Variants in TBC1D20 observed in about 807,000 individuals in gnomAD.
TBC1D20 encodes chromosome 20 open reading frame 140.
TBC1D20 carries 12 observed loss-of-function variants against 41.6 expected under a neutral mutation model. The observed-to-expected ratio is 0.29, with a 90% CI of 0.18 to 0.47. The LOEUF (loss-of-function observed/expected upper bound fraction) is 0.47. Among genes scored for constraint, TBC1D20 ranks in the 20% least tolerant of loss-of-function variants. The pLI is 1.00. For missense variants in TBC1D20, 421 were observed against 517.4 expected, an observed-to-expected ratio of 0.81 and a Z score of 1.81; for synonymous variants, 205 against 204.8, an observed-to-expected ratio of 1.00 and a Z score of -0.01.
At chr20:462,224 C>T in intron 1 of TBC1D20, 112 bp downstream of exon 1, 1 of 688,526 alleles carries the variant, frequency 1.5e-6, no homozygotes, top group Non-Finnish European at 1.9e-6. Flanking sequence ...CGGAACCCCG[C>T]AGCAGCCCCG....
At position 439,499 on chromosome 20, in the gene TBC1D20, C is replaced by T. The variant is rs2017185828; in HGVS notation, c.769-204G>A. Among the ~76,000 whole-genome samples, 1 of 152,236 alleles carries T rather than the reference C, an allele frequency of 6.6e-6. No homozygotes were observed. The highest frequency in any genetic ancestry group is 1.5e-5 in the Non-Finnish European group (1 of 68,032). Reference sequence around the variant, plus strand: ...CCTACTCTCTGGCCCTTCCTGCAAACTTCCACCACATGACATGAAAGGCTG... The same window carrying T: ...CCTACTCTCTGGCCCTTCCTGCAAATTTCCACCACATGACATGAAAGGCTG... On this transcript the variant is annotated intron_variant, in intron 6 of 7. Coordinates refer to ENST00000354200, the MANE Select transcript of TBC1D20 (RefSeq NM_144628.4). This position sits in a 1 kb window ranked among gnomAD's most constrained non-coding sequence, Gnocchi z 4.6.
chr20:440,122 G>A (rs1412880251), intron 6 of TBC1D20, 126 bp downstream of exon 6: 2 of 1,272,352 alleles, frequency 1.6e-6, no homozygotes, highest in East Asian at 2.6e-5. Context: ...TGGTGTCCAG[G>A]GACACCAGCC....
Position 437,796 on chromosome 20 carries a change from T to G in TBC1D20, c.*790A>C, listed in dbSNP as rs1358272481. 6.5e-6 allele frequency: 1 copy of G among 153,752 alleles called. No homozygotes were observed. Among genetic ancestry groups the G allele is most frequent in the Admixed American group, 6.5e-5 (1 of 15,286 alleles). The allele number at this position is 153,752 out of a possible 1,614,324, so 9.5% of individuals were successfully genotyped here. On this transcript the variant is annotated 3_prime_UTR_variant, in exon 8 of 8. Coordinates refer to ENST00000354200, the MANE Select transcript of TBC1D20 (RefSeq NM_144628.4). ...TTTTTTTTCCGTGAAGGAACTATTA[T>G]TACTTTAAAAGTGAGGGTAATTTAC...
At chr20:441,766 TA>T (rs2017235091) in intron 4 of TBC1D20, 77 bp from the exon 5 acceptor site, 2 of 1,595,378 alleles carry the variant, frequency 1.3e-6, no homozygotes, top group Non-Finnish European at 1.7e-6. Flanking sequence ...CTCAAACTCC[TA>T]AAAAAGCTGA....
At chr20:447,862 C>G (rs1792361652) in intron 2 of TBC1D20, 27 bp downstream of exon 2, 6 of 1,576,108 alleles carry the variant, frequency 3.8e-6, no homozygotes, top group Non-Finnish European at 5.2e-6. Context: ...GATAAGCTCC[C>G]CTCACAGCCT....
At chr20:453,577 G>A (rs1568462997) in intron 1 of TBC1D20, among the ~76,000 whole-genome samples, 1 of 101,630 alleles carries the variant, frequency 9.8e-6, no homozygotes, top group African/African-American at 4.2e-5. Flanking sequence ...ACGGAGTCTC[G>A]CCCTATTGCC....
chr20:450,388 C>T (rs954261395), intron 1 of TBC1D20, among the ~76,000 whole-genome samples: 1 of 151,628 alleles, frequency 6.6e-6, no homozygotes, highest in African/African-American at 2.4e-5. Flanking sequence ...TCAAGTGATC[C>T]ACCTGCCTCA....
rs1158424335 is a variant in TBC1D20 at position 441,658 on chromosome 20, T to C, written c.556A>G (p.Lys186Glu). 6.2e-7 allele frequency: 1 copy of C among 1,614,186 alleles called. No homozygotes were observed. Among genetic ancestry groups the C allele is most frequent in the Non-Finnish European group, 8.5e-7 (1 of 1,180,044 alleles). ...DFMDPTMDNT[K>E]HILNYLMPII... ...GGCATCAGATAGTTTAATATATGCT[T>C]GGTGTTGTCCATTGTTGGATCCATA... Residue 186 changes from lysine (K) to glutamate (E), a missense_variant, in exon 5 of 8, where the codon AAG becomes GAG. Transcript: ENST00000354200.
At chr20:442,687 A>G (rs1247285801) in intron 3 of TBC1D20, among the ~76,000 whole-genome samples, 2 of 152,236 alleles carry the variant, frequency 1.3e-5, no homozygotes, top group Non-Finnish European at 2.9e-5. Context: ...TATTTAGGAA[A>G]TATGTCCTGA....
chr20:459,632 C>T (rs531474855), intron 1 of TBC1D20, among the ~76,000 whole-genome samples: 4 of 152,000 alleles, frequency 2.6e-5, no homozygotes, highest in Non-Finnish European at 4.4e-5. Context: ...TTCATTAGAA[C>T]GCTTATTTTT....
In TBC1D20 at chr20:440,404, A is replaced by G. The variant is rs1338994862; in HGVS notation, c.627-15T>C. On this transcript the variant is annotated splice_polypyrimidine_tract_variant and intron_variant, in intron 5 of 7. Transcript: ENST00000354200. ...CTACCTCAGCACTAGAAACAAAGGA[A>G]AGGCAGGTGTCAGGTCCTGTGGGCC... The G allele has an allele frequency of 1.2e-6, 2 of 1,613,944 alleles. No homozygotes were observed. The highest frequency in any genetic ancestry group is 1.7e-5 in the Admixed American group (1 of 60,000).
In TBC1D20 at chr20:462,324, C is replaced by T. The variant is rs1355621389; in HGVS notation, c.70+12G>A. The T allele has an allele frequency of 7.8e-6, 10 of 1,289,542 alleles. No individual in the cohort carries two copies. The highest frequency in any genetic ancestry group is 2.0e-5 in the South Asian group (1 of 49,178). The allele number at this position is 1,289,542 out of a possible 1,614,324, so 79.9% of individuals were successfully genotyped here. On this transcript the variant is annotated intron_variant, in intron 1 of 7. Transcript: ENST00000354200. ...CGCAGGCCGCTCCCGGCGCCCCGGT[C>T]GGCTTCCGTACCTGCCTTCTCCGCG... is the stretch of plus-strand genomic sequence containing the variant.
At position 462,421 on chromosome 20, in the gene TBC1D20, G is replaced by A. The variant is rs1008181381; in HGVS notation, c.-16C>T. On this transcript the variant is annotated 5_prime_UTR_variant, in exon 1 of 8. Transcript: ENST00000354200. ...GGAGGGCCATGCCCCGGGGCCCCGG[G>A]CCCCCACCCGAGCCCCGGCTGGTGG... 5.8e-6 allele frequency: 7 copies of A among 1,209,732 alleles called. No individual in the cohort carries two copies. Among genetic ancestry groups the A allele is most frequent in the South Asian group, 2.8e-5 (1 of 35,318 alleles). The allele number at this position is 1,209,732 out of a possible 1,614,324, so 74.9% of individuals were successfully genotyped here. A position where few individuals can be genotyped will look rare whatever the true frequency, so the allele number is the denominator to read the frequency against.
At chr20:442,728 C>T (rs1297871670) in intron 3 of TBC1D20, among the ~76,000 whole-genome samples, 5 of 152,126 alleles carry the variant, frequency 3.3e-5, no homozygotes, top group African/African-American at 1.2e-4. Context: ...GTCATGTTTG[C>T]AACTTACTCT....
intron 1 of TBC1D20, among the ~76,000 whole-genome samples, chr20:449,136 C>T (rs1206569914): frequency 2.8e-5 from 4 of 144,688 alleles, no homozygotes; most frequent in Admixed American, 7.0e-5. Context: ...TGAGCCACCA[C>T]GCCCAGCCTA....
At chr20:455,406 T>A (rs2017522373) in intron 1 of TBC1D20, among the ~76,000 whole-genome samples, 1 of 152,122 alleles carries the variant, frequency 6.6e-6, no homozygotes, top group Admixed American at 6.5e-5. Context: ...TTACCTGAAG[T>A]CAGGAGATCG....
chr20:443,006 A>G (rs2017267869), intron 3 of TBC1D20, among the ~76,000 whole-genome samples: 1 of 152,184 alleles, frequency 6.6e-6, no homozygotes, highest in South Asian at 2.1e-4. Flanking sequence ...AGGCTGAGGC[A>G]GGAGAATGGC....
At chr20:448,683 C>T (rs1169383844) in intron 1 of TBC1D20, among the ~76,000 whole-genome samples, 1 of 142,546 alleles carries the variant, frequency 7.0e-6, no homozygotes, top group Admixed American at 6.9e-5. Flanking sequence ...AGCGAGACTC[C>T]GTCTTGAAAA....
chr20:444,992 T>G lies in TBC1D20; in HGVS notation c.337+58A>C, dbSNP rs1600332599. ...GGGTCCAGCATATTAGGTCACATGG[T>G]ATGACCTGGAACAGATACAGTCTTT... On this transcript the variant is annotated intron_variant, in intron 3 of 7. Coordinates refer to ENST00000354200, the MANE Select transcript of TBC1D20 (RefSeq NM_144628.4). The G allele has an allele frequency of 1.7e-5, 25 of 1,478,524 alleles. No individual in the cohort carries two copies. In the East Asian group the frequency reaches 5.7e-4, roughly 33 times the overall value. 91.6% of individuals were successfully genotyped at this position (1,478,524 alleles called of 1,614,324 possible). A position where few individuals can be genotyped will look rare whatever the true frequency, so the allele number is the denominator to read the frequency against.
Sources: allele counts gnomAD v4.1 joint callset (sites outside exome capture counted in the v4.1 genomes callset), GRCh38; gene constraint gnomAD v4.1.1; non-coding constraint Gnocchi (gnomAD v3.1); transcripts MANE v1.5; gene names NCBI Gene and HGNC (gene_info 2026-07-23, HGNC 2026-07-21).